Variants in GSPT1 observed in about 807,000 individuals in gnomAD.
GSPT1 encodes eukaryotic peptide chain release factor GTP-binding subunit ERF3A.
Under a neutral mutation model 72.5 loss-of-function variants are expected in GSPT1, and 20 were observed. The observed-to-expected ratio is 0.28, with a 90% confidence interval of 0.19 to 0.40. The LOEUF (loss-of-function observed/expected upper bound fraction) is 0.40. Ranked by LOEUF, GSPT1 falls within the 10% of genes least tolerant of loss-of-function variation. The pLI, the probability that GSPT1 is intolerant of heterozygous loss-of-function variation, is 1.00. For synonymous variants in GSPT1, 334 were observed against 293.5 expected, an observed-to-expected ratio of 1.14 and a Z score of -1.41; for missense variants, 580 against 811.9, an observed-to-expected ratio of 0.71 and a Z score of 3.47.
chr16:11,871,185 TTA>T lies in GSPT1; in HGVS notation c.*1932_*1933del, dbSNP rs1294517562. 7.9e-5 allele frequency: 12 copies of T among 152,290 alleles called. No homozygotes were observed. Among genetic ancestry groups the T allele is most frequent in the African/African-American group, 2.6e-4 (11 of 41,552 alleles). The allele number at this position is 152,290 out of a possible 1,614,324, so 9.4% of individuals were successfully genotyped here. On this transcript the variant is annotated 3_prime_UTR_variant, in exon 15 of 15. Coordinates refer to ENST00000434724, the MANE Select transcript of GSPT1 (RefSeq NM_002094.4). ...TTTAAATTTCATGCAATAGCCATAA[TTA>T]TAGTTTTAAGAATCTGTAGGACAAT...
chr16:11,885,717 A>T (rs2141285475), intron 9 of GSPT1, among the ~76,000 whole-genome samples: 1 of 152,202 alleles, frequency 6.6e-6, no homozygotes, highest in African/African-American at 2.4e-5. Flanking sequence ...AACATGGTGA[A>T]TCTGTCTCTA....
intron 5 of GSPT1, among the ~76,000 whole-genome samples, chr16:11,892,523 C>T (rs33641): frequency 0.11 from 12,293 of 115,918 alleles, 1,519 homozygotes; most frequent in African/African-American, 0.25. Flanking sequence ...ACAAAAAAAA[C>T]AAAAAAAACA....
In GSPT1 at chr16:11,915,883, C is replaced by T; in HGVS notation, c.-163G>A. 9.8e-7 allele frequency: 1 copy of T among 1,019,490 alleles called. No homozygotes were observed. The highest frequency in any genetic ancestry group is 1.5e-6 in the Non-Finnish European group (1 of 657,418). The allele number at this position is 1,019,490 out of a possible 1,614,324, so 63.2% of individuals were successfully genotyped here. A position where few individuals can be genotyped will look rare whatever the true frequency, so the allele number is the denominator to read the frequency against. ...GCGTCGCCGCGGCAGCAGCTCCAGT[C>T]CCGACTCCACACTCGCGACGACGAC... On this transcript the variant is annotated 5_prime_UTR_variant, in exon 1 of 15. Coordinates refer to ENST00000434724, the MANE Select transcript of GSPT1 (RefSeq NM_002094.4).
intron 1 of GSPT1, 40 bp from the exon 2 acceptor site, chr16:11,898,075 A>T: frequency 7.6e-7 from 1 of 1,311,808 alleles, no homozygotes; most frequent in Non-Finnish European, 1.1e-6. Flanking sequence ...ATTGATACTT[A>T]TCCATCCATT....
At chr16:11,900,383 T>C (rs866613108) in intron 1 of GSPT1, among the ~76,000 whole-genome samples, 22 of 151,780 alleles carry the variant, frequency 1.4e-4, no homozygotes, top group South Asian at 6.2e-4. Flanking sequence ...ATTGAGTATC[T>C]ATTATGGGCC....
At chr16:11,911,358 A>T (rs1200340045) in intron 1 of GSPT1, among the ~76,000 whole-genome samples, 1 of 152,110 alleles carries the variant, frequency 6.6e-6, no homozygotes, top group African/African-American at 2.4e-5. Flanking sequence ...TAACCTTACA[A>T]ATATATTAAA....
At chr16:11,910,659 A>G (rs1014948852) in intron 1 of GSPT1, among the ~76,000 whole-genome samples, 1 of 152,214 alleles carries the variant, frequency 6.6e-6, no homozygotes, top group African/African-American at 2.4e-5. Flanking sequence ...CAGCAAACCA[A>G]AGCAAGCAAA....
At chr16:11,910,275 A>G (rs951653084) in intron 1 of GSPT1, among the ~76,000 whole-genome samples, 35 of 152,206 alleles carry the variant, frequency 2.3e-4, no homozygotes, top group African/African-American at 8.4e-4. Flanking sequence ...GAGAGGTTTT[A>G]CGTAAGGGAT....
At chr16:11,912,347 C>CAAAAA in intron 1 of GSPT1, among the ~76,000 whole-genome samples, 1 of 110,768 alleles carries the variant, frequency 9.0e-6, no homozygotes, top group Non-Finnish European at 1.9e-5. Context: ...GACTCCGTCT[C>CAAAAA]AAAAAAAAAA....
intron 1 of GSPT1, among the ~76,000 whole-genome samples, chr16:11,901,665 G>T (rs1237312888): frequency 6.6e-6 from 1 of 151,260 alleles, no homozygotes. Context: ...GGTGGCTCAT[G>T]CTTGTAGTCC....
Position 11,877,439 on chromosome 16 carries a change from G to T in GSPT1, c.1570C>A (p.Leu524Ile). The part of the protein sequence containing the change: ...PGFILCDPNN[L>I]CHSGRTFDAQ... The stretch of plus-strand genomic sequence containing the variant: ...TCAAATGTGCGTCCAGAATGACAAA[G>T]ATTATTAGGATCACAAAGTATAAAC... The change falls in exon 12 of 15, where the codon CTT becomes ATT. Residue 524 changes from leucine (L) to isoleucine (I), a missense_variant. This residue lies in a region of GSPT1 where 120 missense variants were observed against 242.5 expected (regional missense o/e 0.49). Coordinates refer to ENST00000434724, the MANE Select transcript of GSPT1 (RefSeq NM_002094.4). This position sits in a 1 kb window ranked among gnomAD's most constrained non-coding sequence, Gnocchi z 4.0. 1 of 1,600,074 alleles carries T rather than the reference G, an allele frequency of 6.2e-7. No homozygotes were observed. The highest frequency in any genetic ancestry group is 8.5e-7 in the Non-Finnish European group (1 of 1,175,388).
At chr16:11,873,913 A>T (rs932268645) in intron 14 of GSPT1, among the ~76,000 whole-genome samples, 2 of 152,202 alleles carry the variant, frequency 1.3e-5, no homozygotes, top group Admixed American at 6.5e-5. Context: ...GATTAAAAAT[A>T]AGAAAAGGGA....
At chr16:11,899,716 TCA>T (rs1358855521) in intron 1 of GSPT1, among the ~76,000 whole-genome samples, 1 of 152,148 alleles carries the variant, frequency 6.6e-6, no homozygotes, top group African/African-American at 2.4e-5. Context: ...GAAAAATTAC[TCA>T]GTTTTCAGAG....
Position 11,896,743 on chromosome 16 carries a change from TC to T in GSPT1, c.478del (p.Glu160SerfsTer6). 1 of 1,600,318 alleles carries T rather than the reference TC, an allele frequency of 6.2e-7. No individual in the cohort carries two copies. Among genetic ancestry groups the T allele is most frequent in the Non-Finnish European group, 8.5e-7 (1 of 1,172,784 alleles). ...ETEMSPEESW[E>X]HKEEISEAEP... ...TGCTTCACTTATTTCTTCTTTGTGC[TC>T]CCATGATTCTTCTGGAGACATTTCT... On this transcript the variant is annotated frameshift_variant, in exon 4 of 15. Coordinates refer to ENST00000434724, the MANE Select transcript of GSPT1 (RefSeq NM_002094.4). LOFTEE classifies it high-confidence loss of function.
rs761318497 is a variant in GSPT1, at chr16:11,915,928, G to A, written c.-208C>T. ...GACGACAGAGGCGGCGGCGGCGGCA[G>A]CTCAACCCTCCTCCTCGTGTGTGTG... On this transcript the variant is annotated 5_prime_UTR_variant, in exon 1 of 15. Transcript: ENST00000434724. 1.3e-6 allele frequency: 1 copy of A among 764,446 alleles called. No homozygotes were observed. The highest frequency in any genetic ancestry group is 1.3e-5 in the South Asian group (1 of 74,110). 47.4% of individuals were successfully genotyped at this position (764,446 alleles called of 1,614,324 possible).
Position 11,868,283 on chromosome 16 carries a change from C to G in GSPT1, c.*4836G>C, listed in dbSNP as rs376582126. The G allele has an allele frequency of 5.3e-5, 8 of 152,138 alleles. No homozygotes were observed. The highest frequency in any genetic ancestry group is 1.9e-4 in the East Asian group (1 of 5,184). 9.4% of individuals were successfully genotyped at this position (152,138 alleles called of 1,614,324 possible). On this transcript the variant is annotated 3_prime_UTR_variant, in exon 15 of 15. Coordinates refer to ENST00000434724, the MANE Select transcript of GSPT1 (RefSeq NM_002094.4). ...CAAATCGTAAGAAAAAGCTTTCTTTCCTACCTAGAGCACTCTTCCATGCTT... is the reference window on the plus strand; with the variant it reads ...CAAATCGTAAGAAAAAGCTTTCTTTGCTACCTAGAGCACTCTTCCATGCTT...
intron 6 of GSPT1, among the ~76,000 whole-genome samples, chr16:11,888,861 T>G (rs1201230255): frequency 1.3e-5 from 2 of 152,192 alleles, no homozygotes; most frequent in African/African-American, 4.8e-5. Context: ...ATCTAGAACT[T>G]TATGGCAAGT....
chr16:11,887,847 C>T (rs2141287724), intron 6 of GSPT1, 97 bp from the exon 7 acceptor site: 2 of 811,208 alleles, frequency 2.5e-6, no homozygotes, highest in East Asian at 2.5e-5. Flanking sequence ...ACACACAACA[C>T]CTAAATCACG....
chr16:11,912,207 G>A (rs527998192), intron 1 of GSPT1, among the ~76,000 whole-genome samples: 1 of 151,832 alleles, frequency 6.6e-6, no homozygotes, highest in East Asian at 2.0e-4. Context: ...AAATAGCTGG[G>A]CATGATGGCA....
Sources: gnomAD v4.1 joint callset for allele counts (sites outside exome capture counted in the v4.1 genomes callset) on GRCh38, gnomAD v4.1.1 for gene constraint, gnomAD v4.1.1 regional missense constraint, Gnocchi (gnomAD v3.1) non-coding constraint, MANE v1.5 for transcripts, NCBI Gene and HGNC (gene_info 2026-07-23, HGNC 2026-07-21) for gene names.